Variants in COL7A1 observed in about 807,000 individuals in gnomAD.
The protein encoded by COL7A1 is collagen alpha-1(VII) chain.
In COL7A1, 296 loss-of-function variants were observed where a neutral mutation model predicts 456.2. The ratio of observed to expected loss-of-function variants is 0.65; its 90% CI spans 0.59 to 0.71. The LOEUF (loss-of-function observed/expected upper bound fraction) is 0.71. Among genes scored for constraint, COL7A1 ranks in the 30% least tolerant of loss-of-function variants. The pLI is 0.00. For missense variants in COL7A1, 3,441 were observed against 4,017.2 expected (o/e 0.86, Z 3.88); for synonymous variants, 1,464 against 1,525.9 (o/e 0.96, Z 0.95).
rs2043925578 is a variant in COL7A1, at chr3:48,571,609, A to G, written c.7069-331T>C. 1 of 658,362 alleles carries G rather than the reference A, an allele frequency of 1.5e-6. No homozygotes were observed. The highest frequency in any genetic ancestry group is 2.5e-4 in the Middle Eastern group (1 of 4,046). The allele number at this position is 658,362 out of a possible 1,614,324, so 40.8% of individuals were successfully genotyped here. A position where few individuals can be genotyped will look rare whatever the true frequency, so the allele number is the denominator to read the frequency against. ...CTCAGAGGGGAACCCCAACACGTCC[A>G]CTCCCGGGTAGAGCAGGCATGGCCA... On this transcript the variant is annotated intron_variant, in intron 92 of 118. Transcript: ENST00000681320. The surrounding 1 kb of genome is among the most constrained non-coding windows in gnomAD (Gnocchi z 4.6).
In COL7A1 at chr3:48,579,115, C is replaced by G. The variant is rs2044538430; in HGVS notation, c.5388+82G>C. On this transcript the variant is annotated intron_variant, in intron 62 of 118. Coordinates refer to ENST00000681320, the MANE Select transcript of COL7A1 (RefSeq NM_000094.4). This position sits in a 1 kb window ranked among gnomAD's most constrained non-coding sequence, Gnocchi z 4.4. The stretch of plus-strand genomic sequence containing the variant: ...GCCCCAGAGCTCGTCAAGGCCAAGA[C>G]CAACCAATGAGGCTGGGGTCTAGGG... The G allele has an allele frequency of 6.3e-7, 1 of 1,576,180 alleles. No individual in the cohort carries two copies. The highest frequency in any genetic ancestry group is 1.3e-5 in the African/African-American group (1 of 74,198).
At position 48,592,433 on chromosome 3, in the gene COL7A1, A is replaced by G; in HGVS notation, c.1011T>C (p.Asn337=). 6.2e-7 allele frequency: 1 copy of G among 1,613,572 alleles called. No individual in the cohort carries two copies. The highest frequency in any genetic ancestry group is 8.5e-7 in the Non-Finnish European group (1 of 1,179,970). Residue 337 remains asparagine (N), a synonymous_variant, in exon 9 of 119, where the codon AAT becomes AAC. Coordinates refer to ENST00000681320, the MANE Select transcript of COL7A1 (RefSeq NM_000094.4). This position sits in a 1 kb window ranked among gnomAD's most constrained non-coding sequence, Gnocchi z 7.6. Reference sequence around the variant, plus strand: ...CCACCAGGAGGCTGTGGGCTGTGGTATTCTGGATGGTCAGTTCCGGCCCTT... The same window carrying G: ...CCACCAGGAGGCTGTGGGCTGTGGTGTTCTGGATGGTCAGTTCCGGCCCTT... ...ALEGPELTIQ[N]TTAHSLLVAW...
chr3:48,575,406 T>A lies in COL7A1; in HGVS notation c.6113A>T (p.Lys2038Met). ...GPSGLAGEPG[K>M]PGIPGLPGRA... ...GCCTGGGAGCCCGGGAATACCAGGC[T>A]TTCCAGGCTCCCCGGCAAGGCCGGA... Residue 2038 changes from lysine to methionine, a missense_variant, in exon 74 of 119, where the codon AAG becomes ATG. Around this residue, in one of 3 missense-constraint regions of COL7A1, gnomAD observed 2,084 missense variants for 2,501.3 expected, o/e 0.83. Coordinates refer to ENST00000681320, the MANE Select transcript of COL7A1 (RefSeq NM_000094.4). The surrounding 1 kb of genome is among the most constrained non-coding windows in gnomAD (Gnocchi z 6.3). 2 of 1,610,042 alleles carry A rather than the reference T, an allele frequency of 1.2e-6. No homozygotes were observed. Among genetic ancestry groups the A allele is most frequent in the Non-Finnish European group, 1.7e-6 (2 of 1,178,752 alleles).
chr3:48,577,203 G>A (rs975087834), intron 65 of COL7A1, among the ~76,000 whole-genome samples, 176 bp from the exon 66 acceptor site: 2 of 152,256 alleles, frequency 1.3e-5, no homozygotes, highest in Non-Finnish European at 2.9e-5. Context: ...GTCTAAGGGT[G>A]TGCCTGCATA....
In COL7A1 at chr3:48,581,307, G is replaced by T. The variant is rs2044743173; in HGVS notation, c.4852C>A (p.Pro1618Thr). 6.2e-7 allele frequency: 1 copy of T among 1,613,590 alleles called. No individual in the cohort carries two copies. Residue 1618 changes from proline (P) to threonine (T), a missense_variant, in exon 52 of 119, where the codon CCT becomes ACT. Coordinates refer to ENST00000681320, the MANE Select transcript of COL7A1 (RefSeq NM_000094.4). The surrounding 1 kb of genome is among the most constrained non-coding windows in gnomAD (Gnocchi z 5.8). ...GGTCCTGGGGGGCCAGGCCGCCCAGGGTCTCCCTTCTCTCCAGGAGGCCCT... is the reference window on the plus strand; with the variant it reads ...GGTCCTGGGGGGCCAGGCCGCCCAGTGTCTCCCTTCTCTCCAGGAGGCCCT... ...DSGPPGEKGD[P>T]GRPGPPGPVG...
chr3:48,572,323 A>G lies in COL7A1; in HGVS notation c.6978+57T>C. On this transcript the variant is annotated intron_variant, in intron 90 of 118. Transcript: ENST00000681320. The surrounding 1 kb of genome is among the most constrained non-coding windows in gnomAD (Gnocchi z 4.6). Reference sequence around the variant, plus strand: ...AACTATGGGTCGAAGGTCAGAAGTTAGGCCACTGGAGAGACAGGACCCCCA... The same window carrying G: ...AACTATGGGTCGAAGGTCAGAAGTTGGGCCACTGGAGAGACAGGACCCCCA... 1 of 1,613,824 alleles carries G rather than the reference A, an allele frequency of 6.2e-7. No homozygotes were observed. Among genetic ancestry groups the G allele is most frequent in the Non-Finnish European group, 8.5e-7 (1 of 1,179,694 alleles).
chr3:48,582,883 TATCAGCAGGGATAAG>T lies in COL7A1; in HGVS notation c.4518+115_4518+129del. The T allele has an allele frequency of 2.1e-6, 3 of 1,403,364 alleles. No homozygotes were observed. The South Asian group carries it at 3.5e-5, about 16-fold the overall frequency. The allele number at this position is 1,403,364 out of a possible 1,614,324, so 86.9% of individuals were successfully genotyped here. On this transcript the variant is annotated intron_variant, in intron 44 of 118. Transcript: ENST00000681320. The stretch of plus-strand genomic sequence containing the variant: ...CCCTGGGGCTGAGGGTTAGAGCCTG[TATCAGCAGGGATAAG>T]TGGTCATTGAGGAGGGGTGAGGAGC...
rs779284727 is a variant in COL7A1 at position 48,582,459 on chromosome 3, C to T, written c.4599+19G>A. Reference sequence around the variant, plus strand: ...ACATCCCTAGTACCAGACAGTGCCACCCCCAGCCGAGGACCCACCTTCTCT... The same window carrying T: ...ACATCCCTAGTACCAGACAGTGCCATCCCCAGCCGAGGACCCACCTTCTCT... On this transcript the variant is annotated intron_variant, in intron 46 of 118. Transcript: ENST00000681320. 3 of 1,614,148 alleles carry T rather than the reference C, an allele frequency of 1.9e-6. No homozygotes were observed. The African/African-American group carries it at 4.0e-5, about 22-fold the overall frequency.
At chr3:48,577,136 C>T in intron 65 of COL7A1, 109 bp from the exon 66 acceptor site, 1 of 1,452,100 alleles carries the variant, frequency 6.9e-7, no homozygotes, top group Non-Finnish European at 9.6e-7. Context: ...GCCTGTAGCT[C>T]CATGGTTGTG....
At position 48,586,859 on chromosome 3, in the gene COL7A1, A is replaced by G. The variant is rs2107752054; in HGVS notation, c.3276+113T>C. 1 of 1,527,650 alleles carries G rather than the reference A, an allele frequency of 6.5e-7. No individual in the cohort carries two copies. The highest frequency in any genetic ancestry group is 8.9e-7 in the Non-Finnish European group (1 of 1,128,134). 94.6% of individuals were successfully genotyped at this position (1,527,650 alleles called of 1,614,324 possible). On this transcript the variant is annotated intron_variant, in intron 25 of 118. Coordinates refer to ENST00000681320, the MANE Select transcript of COL7A1 (RefSeq NM_000094.4). The surrounding 1 kb of genome is among the most constrained non-coding windows in gnomAD (Gnocchi z 5.1). ...CAGTAGGTGAGGTCTGGAGCCTGTG[A>G]GAGAGCTGGGAGAATGCCTGAACCT...
chr3:48,595,188 C>T (rs1187136478), intron 1 of COL7A1, 28 bp from the exon 2 acceptor site: 1 of 1,536,292 alleles, frequency 6.5e-7, no homozygotes, highest in African/African-American at 1.4e-5. Context: ...TCAGCTAGGA[C>T]CCCCGCCTCT....
At position 48,574,461 on chromosome 3, in the gene COL7A1, A is replaced by G; in HGVS notation, c.6456+27T>C. 1.2e-6 allele frequency: 2 copies of G among 1,614,044 alleles called. No individual in the cohort carries two copies. Among genetic ancestry groups the G allele is most frequent in the Non-Finnish European group, 1.7e-6 (2 of 1,179,968 alleles). On this transcript the variant is annotated intron_variant, in intron 79 of 118. Coordinates refer to ENST00000681320, the MANE Select transcript of COL7A1 (RefSeq NM_000094.4). This position sits in a 1 kb window ranked among gnomAD's most constrained non-coding sequence, Gnocchi z 5.0. ...ACATGTGAGAGCCACCTTCTTGCAC[A>G]TGTGTGGCTGTTGGGCAAGGACTTA...
Position 48,569,343 on chromosome 3 carries a change from C to T in COL7A1, c.7686+32G>A. 1 of 1,611,480 alleles carries T rather than the reference C, an allele frequency of 6.2e-7. No homozygotes were observed. The highest frequency in any genetic ancestry group is 1.1e-5 in the South Asian group (1 of 91,022). ...GTGGAACCACCACAGCCACAGGACC[C>T]CACAGAGAGTACACCACCCTCTTCC... On this transcript the variant is annotated intron_variant, in intron 103 of 118. Coordinates refer to ENST00000681320, the MANE Select transcript of COL7A1 (RefSeq NM_000094.4). This position sits in a 1 kb window ranked among gnomAD's most constrained non-coding sequence, Gnocchi z 4.9.
At position 48,591,804 on chromosome 3, in the gene COL7A1, T is replaced by A; in HGVS notation, c.1376A>T (p.Lys459Met). Residue 459 changes from lysine (K) to methionine (M), a missense_variant, in exon 12 of 119, where the codon AAG (lysine) becomes ATG (methionine). This residue lies in a region of COL7A1 where 913 missense variants were observed against 1,088.2 expected (regional missense o/e 0.84). Coordinates refer to ENST00000681320, the MANE Select transcript of COL7A1 (RefSeq NM_000094.4). This position sits in a 1 kb window ranked among gnomAD's most constrained non-coding sequence, Gnocchi z 7.0. ...RRETGLEPPQ[K>M]VVLPSDVTRY... ...GGTCACATCAGAGGGCAGTACCACCTTCTGCGGTGGCTCCAAGCCTGCAAG... is the reference window on the plus strand; with the variant it reads ...GGTCACATCAGAGGGCAGTACCACCATCTGCGGTGGCTCCAAGCCTGCAAG... The A allele has an allele frequency of 6.2e-7, 1 of 1,614,166 alleles. No individual in the cohort carries two copies. Among genetic ancestry groups the A allele is most frequent in the Non-Finnish European group, 8.5e-7 (1 of 1,180,018 alleles).
rs770356662 is a variant in COL7A1, at chr3:48,592,913, TC to T, written c.707del (p.Arg236GlnfsTer13). ...TGCTTGGCTCAGACAGCACCAGGTC[TC>T]GTGGAGCAGAGGTCGAGTCATCCGC... ...RPPDDSTSAPRDLVLSEPSSQ... is the reference protein window; with the variant it reads ...RPPDDSTSAPXDLVLSEPSSQ... On this transcript the variant is annotated frameshift_variant, in exon 7 of 119. Transcript: ENST00000681320. LOFTEE classifies it high-confidence loss of function. This position sits in a 1 kb window ranked among gnomAD's most constrained non-coding sequence, Gnocchi z 7.6. 1 of 1,613,978 alleles carries T rather than the reference TC, an allele frequency of 6.2e-7. No individual in the cohort carries two copies. Among genetic ancestry groups the T allele is most frequent in the Non-Finnish European group, 8.5e-7 (1 of 1,180,008 alleles).
Position 48,590,227 on chromosome 3 carries a change from A to T in COL7A1, c.2036T>A (p.Ile679Asn). 1.9e-6 allele frequency: 3 copies of T among 1,613,510 alleles called. No homozygotes were observed. The highest frequency in any genetic ancestry group is 2.5e-6 in the Non-Finnish European group (3 of 1,179,904). Residue 679 changes from isoleucine (I) to asparagine (N), a missense_variant, in exon 16 of 119, where the codon ATC becomes AAC. By Grantham distance (149) the Ile-to-Asn change is moderately radical (BLOSUM62 -3). Around this residue, in one of 3 missense-constraint regions of COL7A1, gnomAD observed 913 missense variants for 1,088.2 expected, o/e 0.84. Coordinates refer to ENST00000681320, the MANE Select transcript of COL7A1 (RefSeq NM_000094.4). This position sits in a 1 kb window ranked among gnomAD's most constrained non-coding sequence, Gnocchi z 4.6. ...CAGGGCCTGACCCGTTCGAGCCACG[A>T]TGACTGCAGCAGGGCCCTCCTCTCT... ...RGREEGPAAVIVARTDPLGPV... is the reference protein window; with the variant it reads ...RGREEGPAAVNVARTDPLGPV...
rs757102252 is a variant in COL7A1, at chr3:48,572,687, G to A, written c.6884C>T (p.Thr2295Met). ...PVGPKGEPGP[T>M]GAPGQAVVGL... The stretch of plus-strand genomic sequence containing the variant: ...AAAGATCACCTGTCCAGGGGCCCCC[G>A]TGGGGCCAGGTTCTCCTTTAGGTCC... The change falls in exon 88 of 119, where the codon ACG becomes ATG. Residue 2295 changes from threonine to methionine, a missense_variant. Thr to Met is a moderately conservative substitution (Grantham distance 81). Coordinates refer to ENST00000681320, the MANE Select transcript of COL7A1 (RefSeq NM_000094.4). The surrounding 1 kb of genome is among the most constrained non-coding windows in gnomAD (Gnocchi z 4.6). The A allele has an allele frequency of 2.4e-5, 38 of 1,604,568 alleles. No homozygotes were observed. Among genetic ancestry groups the A allele is most frequent in the East Asian group, 6.8e-5 (3 of 44,372 alleles).
At position 48,592,014 on chromosome 3, in the gene COL7A1, T is replaced by G; in HGVS notation, c.1241A>C (p.Asp414Ala). 6.2e-7 allele frequency: 1 copy of G among 1,614,158 alleles called. No individual in the cohort carries two copies. The highest frequency in any genetic ancestry group is 1.1e-5 in the South Asian group (1 of 91,084). The change falls in exon 11 of 119, where the codon GAC (aspartate) becomes GCC (alanine). Residue 414 changes from aspartate to alanine, a missense_variant and splice_region_variant. Physicochemically the swap from Asp to Ala is moderately radical, Grantham distance 126. Around this residue, in one of 3 missense-constraint regions of COL7A1, gnomAD observed 913 missense variants for 1,088.2 expected, o/e 0.84. Transcript: ENST00000681320. This position sits in a 1 kb window ranked among gnomAD's most constrained non-coding sequence, Gnocchi z 7.6. Reference sequence around the variant, plus strand: ...GCGCAGGGTCTGCTCAACAGAAGCGTCTGCCCAGGGCACATGGGATGTCAG... The same window carrying G: ...GCGCAGGGTCTGCTCAACAGAAGCGGCTGCCCAGGGCACATGGGATGTCAG... ...GPATSLMART[D>A]ASVEQTLRPV... is the part of the protein sequence containing the mutation.
Position 48,573,957 on chromosome 3 carries a change from G to C in COL7A1, c.6502-67C>G, listed in dbSNP as rs9871180. On this transcript the variant is annotated intron_variant, in intron 80 of 118. Transcript: ENST00000681320. The surrounding 1 kb of genome is among the most constrained non-coding windows in gnomAD (Gnocchi z 5.5). The stretch of plus-strand genomic sequence containing the variant: ...CTTGGGCCTGTTCCCAACCTCTGGG[G>C]GCTTTTTCCTTGGGGGTCAATTTCC... The C allele has an allele frequency of 1.9e-6, 3 of 1,592,282 alleles. No individual in the cohort carries two copies. In the Admixed American group the frequency reaches 5.2e-5, roughly 28 times the overall value.
Sources: allele counts gnomAD v4.1 joint callset (sites outside exome capture counted in the v4.1 genomes callset), GRCh38; gene constraint gnomAD v4.1.1; regional missense constraint gnomAD v4.1.1; non-coding constraint Gnocchi (gnomAD v3.1); transcripts MANE v1.5; gene names NCBI Gene and HGNC (gene_info 2026-07-23, HGNC 2026-07-21).